The following DAPK2 variants were observed in gnomAD, a reference collection of about 807,000 sequenced individuals.
The protein encoded by DAPK2 is death-associated protein kinase 2.
Under a neutral mutation model 44.1 loss-of-function variants are expected in DAPK2, and 35 were observed. The observed-to-expected ratio is 0.79, with a 90% CI of 0.61 to 1.05. The LOEUF (loss-of-function observed/expected upper bound fraction) is 1.05. DAPK2 is among the 50% of genes least tolerant of loss of function. The pLI, the probability that DAPK2 is intolerant of heterozygous loss-of-function variation, is 0.00. For missense variants in DAPK2, 453 were observed against 483.2 expected, an observed-to-expected ratio of 0.94 and a Z score of 0.59; for synonymous variants, 174 against 182.6, an observed-to-expected ratio of 0.95 and a Z score of 0.38.
At chr15:63,994,455 AAGGAAGG>A (rs2078897437) in intron 1 of DAPK2, among the ~76,000 whole-genome samples, 2 of 149,148 alleles carry the variant, frequency 1.3e-5, no homozygotes, top group Non-Finnish European at 3.0e-5. Flanking sequence ...GGAAGGAAGG[AAGGAAGG>A]AAGGAAACGC....
intron 1 of DAPK2, among the ~76,000 whole-genome samples, chr15:63,986,780 G>T (rs2078678660): frequency 6.6e-6 from 1 of 152,204 alleles, no homozygotes; most frequent in Non-Finnish European, 1.5e-5. Flanking sequence ...CACCCTGAGA[G>T]ATTCTGATCT....
At chr15:64,005,293 A>G (rs2079194910) in intron 1 of DAPK2, among the ~76,000 whole-genome samples, 1 of 151,810 alleles carries the variant, frequency 6.6e-6, no homozygotes, top group South Asian at 2.1e-4. Flanking sequence ...AAAGAGCAGT[A>G]ATTTCAAACC....
At chr15:64,004,404 G>A (rs551556894) in intron 1 of DAPK2, among the ~76,000 whole-genome samples, 1 of 152,278 alleles carries the variant, frequency 6.6e-6, no homozygotes, top group East Asian at 1.9e-4. Context: ...ACCAGCTTCT[G>A]ATGATCAATG....
rs567824837 is a variant in DAPK2, at chr15:63,934,056, A to T, written c.584-3601T>A. Among the ~76,000 whole-genome samples the T allele has an allele frequency of 2.0e-5, 3 of 152,072 alleles. No individual in the cohort carries two copies. In the East Asian group the frequency reaches 5.8e-4, roughly 29 times the overall value. ...CCTTTCTTGCCTTCTTTAAAAAATGAAGACTTTTGGTTTTATTGTTTTTCC... is the reference window on the plus strand; with the variant it reads ...CCTTTCTTGCCTTCTTTAAAAAATGTAGACTTTTGGTTTTATTGTTTTTCC... On this transcript the variant is annotated intron_variant, in intron 4 of 10. Coordinates refer to ENST00000261891, the Ensembl canonical transcript of DAPK2.
chr15:63,926,253 C>T, intron 6 of DAPK2, 160 bp from the exon 8 acceptor site: 1 of 680,492 alleles, frequency 1.5e-6, no homozygotes, highest in Non-Finnish European at 2.4e-6. Context: ...GCCTGTTCAG[C>T]TAAGTCCAAT....
chr15:63,956,647 C>T lies in DAPK2; in HGVS notation c.453+14776G>A, dbSNP rs192673059. Among the ~76,000 whole-genome samples, 270 of 151,548 alleles carry T rather than the reference C, an allele frequency of 1.8e-3. 3 individuals are homozygous for T. The highest frequency in any genetic ancestry group is 0.014 in the Admixed American group (206 of 15,208). ...CGTCGCCCAGGCTGGAGTGCAGTGGCGCAATCTCAGCTCACTGCAAGCTCC... is the reference window on the plus strand; with the variant it reads ...CGTCGCCCAGGCTGGAGTGCAGTGGTGCAATCTCAGCTCACTGCAAGCTCC... On this transcript the variant is annotated intron_variant, in intron 3 of 10. Transcript: ENST00000261891.
At chr15:64,030,801 T>A (rs1370072405) in intron 1 of DAPK2, among the ~76,000 whole-genome samples, 1 of 152,010 alleles carries the variant, frequency 6.6e-6, no homozygotes, top group African/African-American at 2.4e-5. Flanking sequence ...GACACCCGTC[T>A]CTACAAAAAA....
intron 1 of DAPK2, among the ~76,000 whole-genome samples, chr15:64,011,996 C>T (rs1362354090): frequency 6.6e-6 from 1 of 152,116 alleles, no homozygotes; most frequent in Non-Finnish European, 1.5e-5. Context: ...TCTTTTCCAG[C>T]CCCCCAGCCT....
chr15:63,999,697 C>T (rs2079034273), intron 1 of DAPK2, among the ~76,000 whole-genome samples: 1 of 152,104 alleles, frequency 6.6e-6, no homozygotes, highest in African/African-American at 2.4e-5. Flanking sequence ...CTCTCCCACC[C>T]TAGCTCTGCT....
In DAPK2 at chr15:64,039,114, G is replaced by A. The variant is rs527552635; in HGVS notation, c.92+1056C>T. Among the ~76,000 whole-genome samples the A allele has an allele frequency of 4.6e-5, 7 of 152,276 alleles. No homozygotes were observed. The East Asian group carries it at 7.7e-4, about 17-fold the overall frequency. On this transcript the variant is annotated intron_variant, in intron 1 of 10. Transcript: ENST00000261891. The stretch of plus-strand genomic sequence containing the variant: ...TGTCTCCAGTCTCCAACCAAACTGT[G>A]CTGTGACAACTTTGGGCACAGGTCC...
chr15:64,031,959 T>A lies in DAPK2; in HGVS notation c.92+8211A>T, dbSNP rs571755217. On this transcript the variant is annotated intron_variant, in intron 1 of 10. Transcript: ENST00000261891. ...TGAATTCCAGGGCTTATGGGGGCTG[T>A]GAGCTTGCTTGGCTGAGGTATTCTG... 3.8e-4 allele frequency among the ~76,000 whole-genome samples: 58 copies of A among 152,354 alleles called. No homozygotes were observed. The Middle Eastern group carries it at 0.02, about 54-fold the overall frequency.
intron 1 of DAPK2, among the ~76,000 whole-genome samples, chr15:64,008,055 G>T (rs1038902380): frequency 5.9e-5 from 9 of 152,142 alleles, no homozygotes; most frequent in African/African-American, 2.2e-4. Context: ...ATGGGTAAGG[G>T]GGTTTTTTGG....
At chr15:64,028,527 T>G (rs1381645159) in intron 1 of DAPK2, among the ~76,000 whole-genome samples, 4 of 152,192 alleles carry the variant, frequency 2.6e-5, no homozygotes, top group Non-Finnish European at 5.9e-5. Flanking sequence ...TAAAGAACAC[T>G]AATAAGAAAA....
At chr15:64,036,334 T>TAC (rs1567290258) in intron 1 of DAPK2, among the ~76,000 whole-genome samples, 13 of 125,710 alleles carry the variant, frequency 1.0e-4, no homozygotes, top group East Asian at 4.0e-4. Flanking sequence ...TATATATATA[T>TAC]ATACATATAT....
At chr15:64,029,476 C>T (rs72755022) in intron 1 of DAPK2, among the ~76,000 whole-genome samples, 19 of 152,288 alleles carry the variant, frequency 1.2e-4, no homozygotes, top group Non-Finnish European at 2.2e-4. Context: ...ACCGGCCTAT[C>T]TCCTGGATTA....
In DAPK2 at chr15:63,939,144, GC is replaced by G; in HGVS notation, c.583+87del. ...CAATGCATCATCTCTTTGCTCAGAG[GC>G]CATAGCCCCAGACACAGGTTTCTTC... On this transcript the variant is annotated intron_variant, in intron 4 of 10. Transcript: ENST00000261891. The surrounding 1 kb of genome is among the most constrained non-coding windows in gnomAD (Gnocchi z 4.3). The G allele has an allele frequency of 1.3e-6, 2 of 1,567,050 alleles. No homozygotes were observed. The highest frequency in any genetic ancestry group is 1.7e-6 in the Non-Finnish European group (2 of 1,158,636).
chr15:64,001,550 C>A (rs1012189574), intron 1 of DAPK2, among the ~76,000 whole-genome samples: 4 of 152,190 alleles, frequency 2.6e-5, no homozygotes, highest in Non-Finnish European at 5.9e-5. Context: ...CCAAGAAGAC[C>A]TTTCTGGAAA....
chr15:63,907,099 T>C (rs1280655978), exon 11 of DAPK2: 2 of 152,194 alleles, frequency 1.3e-5, no homozygotes, highest in Non-Finnish European at 2.9e-5. Context: ...GATTGAGGTG[T>C]CAGCAGGGTT....
At chr15:63,943,468 G>A (rs1378862669) in intron 3 of DAPK2, among the ~76,000 whole-genome samples, 1 of 152,138 alleles carries the variant, frequency 6.6e-6, no homozygotes, top group Non-Finnish European at 1.5e-5. Flanking sequence ...ACATTAGTTT[G>A]TATTATCCCT....
Sources: gnomAD v4.1 joint callset for allele counts (sites outside exome capture counted in the v4.1 genomes callset) on GRCh38, gnomAD v4.1.1 for gene constraint, Gnocchi (gnomAD v3.1) non-coding constraint, MANE v1.5 for transcripts, NCBI Gene and HGNC (gene_info 2026-07-23, HGNC 2026-07-21) for gene names.